The following SLC27A6 variants were observed in gnomAD, a reference collection of about 807,000 sequenced individuals.
The protein encoded by SLC27A6 is solute carrier family 27 member 6, also known as long-chain fatty acid transport protein 6.
Under a neutral mutation model 63.9 loss-of-function variants are expected in SLC27A6, and 74 were observed. The observed-to-expected ratio is 1.16, with a 90% CI of 0.96 to 1.40. The LOEUF (loss-of-function observed/expected upper bound fraction) is 1.40, where lower values mean the gene tolerates loss of function less well. Ranked by LOEUF, SLC27A6 falls within the 40% of genes most tolerant of loss-of-function variation. The probability of loss-of-function intolerance (pLI) is 0.00; values close to 1 mark genes in which losing one functional copy is unlikely to be tolerated. For missense variants in SLC27A6, 794 were observed against 732.9 expected (o/e 1.08, Z -0.96); for synonymous variants, 287 against 260.8 (o/e 1.10, Z -0.97).
At chr5:129,014,555 C>T (rs767891111) in intron 4 of SLC27A6, among the ~76,000 whole-genome samples, 25 of 152,126 alleles carry the variant, frequency 1.6e-4, no homozygotes, top group African/African-American at 5.3e-4. Context: ...TTTGGTATGA[C>T]GTGAAGGACT....
chr5:129,002,891 C>A (rs10077347), intron 4 of SLC27A6, among the ~76,000 whole-genome samples: 12,929 of 152,218 alleles, frequency 0.085, 749 homozygotes, highest in Non-Finnish European at 0.12. Context: ...CCTGGCAGCC[C>A]ACATGGGTTT....
chr5:129,000,131 G>A (rs60443674), intron 4 of SLC27A6, among the ~76,000 whole-genome samples: 35,273 of 151,872 alleles, frequency 0.23, 5,190 homozygotes, highest in East Asian at 0.7. Context: ...ATAGTGGTGC[G>A]GTGTGAAAGC....
intron 4 of SLC27A6, among the ~76,000 whole-genome samples, chr5:129,012,446 A>G (rs545593865): frequency 9.9e-5 from 15 of 152,206 alleles, no homozygotes; most frequent in African/African-American, 3.4e-4. Context: ...ACTCTTCAGT[A>G]CCTTGTTACA....
chr5:129,028,379 G>C lies in SLC27A6; in HGVS notation c.1489G>C (p.Ala497Pro), dbSNP rs1752313690. The C allele has an allele frequency of 6.2e-7, 1 of 1,611,236 alleles. No individual in the cohort carries two copies. Among genetic ancestry groups the C allele is most frequent in the African/African-American group, 1.3e-5 (1 of 74,866 alleles). ...AGAAAATGTCGCAACCACTGAGGTTGCTGATGTTATTGGAATGTTGGATTT... is the reference window on the plus strand; with the variant it reads ...AGAAAATGTCGCAACCACTGAGGTTCCTGATGTTATTGGAATGTTGGATTT... ...KGENVATTEV[A>P]DVIGMLDFIQ... Residue 497 changes from alanine (A) to proline (P), a missense_variant, in exon 8 of 10, where the codon GCT (alanine) becomes CCT (proline). Coordinates refer to ENST00000262462, the MANE Select transcript of SLC27A6 (RefSeq NM_001017372.3).
At chr5:128,991,265 G>GA (rs1750972912) in intron 4 of SLC27A6, among the ~76,000 whole-genome samples, 1 of 152,184 alleles carries the variant, frequency 6.6e-6, no homozygotes, top group Non-Finnish European at 1.5e-5. Flanking sequence ...ATGTTTAAAG[G>GA]TAGGTGCAGT....
At chr5:128,999,742 A>T (rs934017814) in intron 4 of SLC27A6, among the ~76,000 whole-genome samples, 1 of 151,740 alleles carries the variant, frequency 6.6e-6, no homozygotes, top group African/African-American at 2.4e-5. Flanking sequence ...TGTATAGCTC[A>T]CTCCCTAACC....
intron 4 of SLC27A6, among the ~76,000 whole-genome samples, chr5:129,004,579 C>A (rs1246980933): frequency 6.6e-6 from 1 of 152,136 alleles, no homozygotes; most frequent in East Asian, 1.9e-4. Flanking sequence ...TCATTCCTAT[C>A]CCAATATAGC....
At chr5:128,992,551 C>T (rs1311652904) in intron 4 of SLC27A6, among the ~76,000 whole-genome samples, 2 of 152,164 alleles carry the variant, frequency 1.3e-5, no homozygotes, top group Non-Finnish European at 1.5e-5. Context: ...ATAGATTCCA[C>T]AGATTCATAG....
At chr5:129,006,242 T>C (rs1427069532) in intron 4 of SLC27A6, among the ~76,000 whole-genome samples, 2 of 151,484 alleles carry the variant, frequency 1.3e-5, no homozygotes, top group African/African-American at 4.9e-5. Flanking sequence ...CCGCGCCAGC[T>C]GCCGTGCCCG....
At chr5:128,985,459 T>A in intron 2 of SLC27A6, 123 bp downstream of exon 2, 1 of 735,794 alleles carries the variant, frequency 1.4e-6, no homozygotes, top group Non-Finnish European at 2.3e-6. Flanking sequence ...CAAGAAGATG[T>A]AAGGATCTCA....
Position 129,028,520 on chromosome 5 carries a change from T to C in SLC27A6, c.1552+78T>C. 3.6e-6 allele frequency: 3 copies of C among 828,102 alleles called. No homozygotes were observed. In the South Asian group the frequency reaches 4.8e-5, roughly 13 times the overall value. The allele number at this position is 828,102 out of a possible 1,614,324, so 51.3% of individuals were successfully genotyped here. On this transcript the variant is annotated intron_variant, in intron 8 of 9. Coordinates refer to ENST00000262462, the MANE Select transcript of SLC27A6 (RefSeq NM_001017372.3). The stretch of plus-strand genomic sequence containing the variant: ...TTCTCTAGTTTTGCAACAGTCTTGC[T>C]AATTCAACATTTTAATTTTTGTGTA...
intron 1 of SLC27A6, 71 bp downstream of exon 1, chr5:128,966,689 T>C: frequency 7.3e-7 from 1 of 1,363,360 alleles, no homozygotes; most frequent in South Asian, 2.1e-5. Context: ...TTTTTTTTCT[T>C]TAGGATAATT....
rs1424108653 is a variant in SLC27A6 at position 128,994,317 on chromosome 5, C to T, written c.969+3853C>T. Among the ~76,000 whole-genome samples, 8 of 152,160 alleles carry T rather than the reference C, an allele frequency of 5.3e-5. No homozygotes were observed. The South Asian group carries it at 1.7e-3, about 32-fold the overall frequency. ...AAATACAGCTTTACCCAAAGGGAAACTTAATAATTTTTTTTTAAGCAGAGA... is the reference window on the plus strand; with the variant it reads ...AAATACAGCTTTACCCAAAGGGAAATTTAATAATTTTTTTTTAAGCAGAGA... On this transcript the variant is annotated intron_variant, in intron 4 of 9. Coordinates refer to ENST00000262462, the MANE Select transcript of SLC27A6 (RefSeq NM_001017372.3).
rs4068575 is a variant in SLC27A6 at position 129,006,071 on chromosome 5, G to GTTTTTTTTTTTTTTTTTTTTTTTTTTT, written c.970-9789_970-9788insTTTTTTTTTTTTTTTTTTTTTTTTTTT. Among the ~76,000 whole-genome samples, 86 of 60,142 alleles carry GTTTTTTTTTTTTTTTTTTTTTTTTTTT rather than the reference G, an allele frequency of 1.4e-3. 22 individuals are homozygous for GTTTTTTTTTTTTTTTTTTTTTTTTTTT. The highest frequency in any genetic ancestry group is 8.1e-3 in the East Asian group (5 of 614). The allele number at this position is 60,142 out of a possible 152,430, so 39.5% of individuals were successfully genotyped here. On this transcript the variant is annotated intron_variant, in intron 4 of 9. Coordinates refer to ENST00000262462, the MANE Select transcript of SLC27A6 (RefSeq NM_001017372.3). ...TAAAATTTTCATTCCTGTGCACACT[G>GTTTTTTTTTTTTTTTTTTTTTTTTTTT]TTTTTTTTTTTTTTTTTTTTTTTTT...
At chr5:129,015,031 A>G (rs922458410) in intron 4 of SLC27A6, among the ~76,000 whole-genome samples, 24 of 152,212 alleles carry the variant, frequency 1.6e-4, no homozygotes, top group Admixed American at 1.4e-3. Flanking sequence ...ATGGGTACCA[A>G]AGAAGCCAGT....
chr5:128,984,762 A>G lies in SLC27A6; in HGVS notation c.482-371A>G, dbSNP rs114595819. Among the ~76,000 whole-genome samples, 521 of 152,346 alleles carry G rather than the reference A, an allele frequency of 3.4e-3. 5 individuals carry two copies. Among genetic ancestry groups the G allele is most frequent in the African/African-American group, 0.012 (504 of 41,580 alleles). ...GTAACCTGCAGACAGCTTTTGGAAT[A>G]ACTAGCTACTGAGTTGTACTTCAAG... On this transcript the variant is annotated intron_variant, in intron 1 of 9. Coordinates refer to ENST00000262462, the MANE Select transcript of SLC27A6 (RefSeq NM_001017372.3).
intron 1 of SLC27A6, among the ~76,000 whole-genome samples, chr5:128,977,815 A>G (rs1197580153): frequency 3.9e-5 from 6 of 152,254 alleles, no homozygotes; most frequent in African/African-American, 1.4e-4. Flanking sequence ...CAGCATTATA[A>G]TTATGACTAA....
intron 6 of SLC27A6, among the ~76,000 whole-genome samples, chr5:129,025,324 A>G (rs1752200933): frequency 6.6e-6 from 1 of 152,138 alleles, no homozygotes; most frequent in African/African-American, 2.4e-5. Flanking sequence ...TGTGTCCTAA[A>G]AAAGAAAAAA....
At chr5:128,971,056 A>G (rs538230574) in intron 1 of SLC27A6, among the ~76,000 whole-genome samples, 50 of 152,252 alleles carry the variant, frequency 3.3e-4, no homozygotes, top group African/African-American at 1.2e-3. Context: ...GTTTCCATGT[A>G]GTTGTGCGGT....
Sources: allele counts gnomAD v4.1 joint callset (sites outside exome capture counted in the v4.1 genomes callset), GRCh38; gene constraint gnomAD v4.1.1; transcripts MANE v1.5; gene names NCBI Gene and HGNC (gene_info 2026-07-23, HGNC 2026-07-21).